The following PLBD2 variants were observed in gnomAD, a reference collection of about 807,000 sequenced individuals.
PLBD2 encodes putative aminopeptidase PLBD2.
In PLBD2, 51 loss-of-function variants were observed where a neutral mutation model predicts 68.3. The observed-to-expected ratio is 0.75, with a 90% CI of 0.60 to 0.94. The LOEUF (loss-of-function observed/expected upper bound fraction) is 0.94, where lower values mean the gene tolerates loss of function less well. Ranked by LOEUF, PLBD2 falls within the 40% of genes least tolerant of loss-of-function variation. The pLI is 0.00. For synonymous variants in PLBD2, 314 were observed against 339.3 expected, an observed-to-expected ratio of 0.93 and a Z score of 0.82; for missense variants, 729 against 792.2, an observed-to-expected ratio of 0.92 and a Z score of 0.96.
rs1194803836 is a variant in PLBD2, at chr12:113,390,844, C to A, written c.*2218C>A. 6.6e-6 allele frequency: 1 copy of A among 151,824 alleles called. No individual in the cohort carries two copies. The highest frequency in any genetic ancestry group is 2.4e-5 in the African/African-American group (1 of 41,334). The allele number at this position is 151,824 out of a possible 1,614,324, so 9.4% of individuals were successfully genotyped here. On this transcript the variant is annotated 3_prime_UTR_variant, in exon 12 of 12. Coordinates refer to ENST00000280800, the MANE Select transcript of PLBD2 (RefSeq NM_173542.4). ...CATCCGTCCACCTATCCATTTATCA[C>A]CCATCTACCCATCCATCCACCCACT...
At chr12:113,360,931 AC>A (rs1957287195) in intron 1 of PLBD2, among the ~76,000 whole-genome samples, 1 of 151,850 alleles carries the variant, frequency 6.6e-6, no homozygotes, top group African/African-American at 2.4e-5. Context: ...TGTTTTCGGC[AC>A]CCTCTCTCAT....
intron 3 of PLBD2, among the ~76,000 whole-genome samples, chr12:113,374,124 G>A (rs1205021447): frequency 6.6e-6 from 1 of 152,144 alleles, no homozygotes; most frequent in African/African-American, 2.4e-5. Context: ...AGGTGCCCGA[G>A]GCAGCAATAC....
intron 5 of PLBD2, among the ~76,000 whole-genome samples, chr12:113,378,311 C>T (rs1957451976): frequency 6.6e-6 from 1 of 151,808 alleles, no homozygotes; most frequent in South Asian, 2.1e-4. Flanking sequence ...AAAAAATTTC[C>T]AAGGGTGGGC....
Position 113,389,186 on chromosome 12 carries a change from CAA to C in PLBD2, c.*562_*563del, listed in dbSNP as rs1331075700. 6.5e-6 allele frequency: 1 copy of C among 152,698 alleles called. No individual in the cohort carries two copies. Among genetic ancestry groups the C allele is most frequent in the Non-Finnish European group, 1.5e-5 (1 of 68,112 alleles). 9.5% of individuals were successfully genotyped at this position (152,698 alleles called of 1,614,324 possible). A position where few individuals can be genotyped will look rare whatever the true frequency, so the allele number is the denominator to read the frequency against. ...TTCCTTGAGGACAGAAACTTGAAAA[CAA>C]ACACAAACCAAAGTTTCTGGCCATC... On this transcript the variant is annotated 3_prime_UTR_variant, in exon 12 of 12. Transcript: ENST00000280800.
At chr12:113,383,324 G>A (rs1265227903) in intron 6 of PLBD2, among the ~76,000 whole-genome samples, 2 of 152,234 alleles carry the variant, frequency 1.3e-5, no homozygotes, top group Non-Finnish European at 2.9e-5. Flanking sequence ...GTTCATGGGA[G>A]CGGCTCTTTG....
intron 11 of PLBD2, 73 bp downstream of exon 11, chr12:113,387,979 G>A: frequency 6.4e-7 from 1 of 1,556,462 alleles, no homozygotes; most frequent in South Asian, 1.1e-5. Context: ...GAAGGGACAG[G>A]TTGGGGCAAA....
intron 1 of PLBD2, 136 bp from the exon 2 acceptor site, chr12:113,368,980 C>T (rs967923351): frequency 1.9e-5 from 11 of 581,342 alleles, no homozygotes; most frequent in Non-Finnish European, 3.3e-5. Flanking sequence ...CCGGCAAGCT[C>T]ACAAAGATGG....
In PLBD2 at chr12:113,388,858, A is replaced by C; in HGVS notation, c.*232A>C. On this transcript the variant is annotated 3_prime_UTR_variant, in exon 12 of 12. Transcript: ENST00000280800. ...TGGCGTCTCTTCTGCCCTGCCCTAA[A>C]TCTCCCACTCTCTGTTTCTGTCTGT... The C allele has an allele frequency of 7.1e-6, 3 of 423,834 alleles. No homozygotes were observed. Among genetic ancestry groups the C allele is most frequent in the South Asian group, 5.5e-5 (1 of 18,196 alleles). 26.3% of individuals were successfully genotyped at this position (423,834 alleles called of 1,614,324 possible).
intron 5 of PLBD2, among the ~76,000 whole-genome samples, chr12:113,378,371 A>G (rs1957452657): frequency 6.6e-6 from 1 of 152,160 alleles, no homozygotes; most frequent in Admixed American, 6.6e-5. Flanking sequence ...ATTATACAGA[A>G]TAGTTTCACT....
rs181858083 is a variant in PLBD2 at position 113,378,007 on chromosome 12, T to G, written c.860-2738T>G. ...ATGTTTTCTCCTAGACTTTAAAAAA[T>G]GTACCTTGCCTGGGCACAATGGCTT... is the stretch of plus-strand genomic sequence containing the variant. On this transcript the variant is annotated intron_variant, in intron 5 of 11. Coordinates refer to ENST00000280800, the MANE Select transcript of PLBD2 (RefSeq NM_173542.4). 3.7e-4 allele frequency among the ~76,000 whole-genome samples: 57 copies of G among 152,314 alleles called. 1 individual carries two copies. The highest frequency in any genetic ancestry group is 1.3e-3 in the African/African-American group (55 of 41,560).
Position 113,358,740 on chromosome 12 carries a change from G to C in PLBD2, c.140G>C (p.Gly47Ala). The C allele has an allele frequency of 7.2e-7, 1 of 1,392,148 alleles. No homozygotes were observed. 86.2% of individuals were successfully genotyped at this position (1,392,148 alleles called of 1,614,324 possible). ...GLAGAIPAPG[G>A]RWARDGQVPP... Reference sequence around the variant, plus strand: ...GCGGGGGCGATCCCAGCGCCGGGGGGCCGCTGGGCGCGCGATGGGCAGGTC... The same window carrying C: ...GCGGGGGCGATCCCAGCGCCGGGGGCCCGCTGGGCGCGCGATGGGCAGGTC... Residue 47 changes from glycine (G) to alanine (A), a missense_variant, in exon 1 of 12, where the codon GGC (glycine) becomes GCC (alanine). By Grantham distance (60) the Gly-to-Ala change is moderately conservative. Coordinates refer to ENST00000280800, the MANE Select transcript of PLBD2 (RefSeq NM_173542.4).
intron 1 of PLBD2, 35 bp downstream of exon 1, chr12:113,358,925 G>A (rs373977654): frequency 5.4e-6 from 8 of 1,482,842 alleles, no homozygotes; most frequent in Non-Finnish European, 6.2e-6. Context: ...GGGGCCATCG[G>A]GGGAGGGGGA....
chr12:113,376,366 G>A (rs1321645992), intron 5 of PLBD2, among the ~76,000 whole-genome samples: 9 of 149,278 alleles, frequency 6.0e-5, no homozygotes, highest in East Asian at 4.0e-4. Context: ...GTTTTGCCAT[G>A]TTGGCCAGGC....
Position 113,388,441 on chromosome 12 carries a change from G to A in PLBD2, c.1603-18G>A. 6.4e-7 allele frequency: 1 copy of A among 1,551,412 alleles called. No homozygotes were observed. The highest frequency in any genetic ancestry group is 8.7e-7 in the Non-Finnish European group (1 of 1,153,552). ...AGGCCAGGACCCCTGCTCAGCTGCG[G>A]CTCTGCCCTGTCCCCAGGTGACCAG... On this transcript the variant is annotated intron_variant, in intron 11 of 11. Coordinates refer to ENST00000280800, the MANE Select transcript of PLBD2 (RefSeq NM_173542.4).
intron 1 of PLBD2, among the ~76,000 whole-genome samples, chr12:113,363,677 A>G (rs1957316217): frequency 6.6e-6 from 1 of 151,280 alleles, no homozygotes; most frequent in Non-Finnish European, 1.5e-5. Flanking sequence ...AGCTGGGACT[A>G]CAGGTGCCCG....
intron 4 of PLBD2, 35 bp downstream of exon 4, chr12:113,374,609 G>A (rs1341121770): frequency 6.5e-7 from 1 of 1,536,408 alleles, no homozygotes; most frequent in Admixed American, 1.9e-5. Flanking sequence ...AGGGTGGGAA[G>A]AAGGGCCACA....
chr12:113,375,046 G>T lies in PLBD2; in HGVS notation c.859+39G>T, dbSNP rs149301819. Reference sequence around the variant, plus strand: ...GGTGTGTCTGGGGGATGAGCAGGTGGGTGGGCACACACGTGGGGAGTGGTC... The same window carrying T: ...GGTGTGTCTGGGGGATGAGCAGGTGTGTGGGCACACACGTGGGGAGTGGTC... On this transcript the variant is annotated intron_variant, in intron 5 of 11. Transcript: ENST00000280800. 931 of 1,595,964 alleles carry T rather than the reference G, an allele frequency of 5.8e-4. 8 individuals are homozygous for T. The African/African-American group carries it at 0.011, about 19-fold the overall frequency.
chr12:113,374,343 G>T, intron 3 of PLBD2, 131 bp from the exon 4 acceptor site: 1 of 628,524 alleles, frequency 1.6e-6, no homozygotes, highest in Non-Finnish European at 2.9e-6. Flanking sequence ...AAGGCTGGCT[G>T]GAGTCTGGAG....
Position 113,384,746 on chromosome 12 carries a change from A to T in PLBD2, c.1119-105A>T. On this transcript the variant is annotated intron_variant, in intron 7 of 11. Transcript: ENST00000280800. This position sits in a 1 kb window ranked among gnomAD's most constrained non-coding sequence, Gnocchi z 4.2. ...GTCAGTTGAATGGCTGGACAACCCCAGGCCCACTTCCTGTAATTCCTAGCT... is the reference window on the plus strand; with the variant it reads ...GTCAGTTGAATGGCTGGACAACCCCTGGCCCACTTCCTGTAATTCCTAGCT... 1 of 889,558 alleles carries T rather than the reference A, an allele frequency of 1.1e-6. No homozygotes were observed. Among genetic ancestry groups the T allele is most frequent in the Admixed American group, 2.1e-5 (1 of 48,186 alleles). 55.1% of individuals were successfully genotyped at this position (889,558 alleles called of 1,614,324 possible).
Sources: allele counts gnomAD v4.1 joint callset (sites outside exome capture counted in the v4.1 genomes callset), GRCh38; gene constraint gnomAD v4.1.1; non-coding constraint Gnocchi (gnomAD v3.1); transcripts MANE v1.5; gene names NCBI Gene and HGNC (gene_info 2026-07-23, HGNC 2026-07-21).